The following LPP variants were observed in gnomAD, a reference collection of about 807,000 sequenced individuals.
LPP encodes LIM domain containing preferred translocation partner in lipoma, also known as lipoma-preferred partner.
LPP carries 38 observed loss-of-function variants against 60.4 expected under a neutral mutation model. The ratio of observed to expected loss-of-function variants is 0.63; its 90% CI spans 0.49 to 0.83. The LOEUF (loss-of-function observed/expected upper bound fraction) is 0.83, where lower values mean the gene tolerates loss of function less well. Among genes scored for constraint, LPP ranks in the 40% least tolerant of loss-of-function variants. The pLI, the probability that LPP is intolerant of heterozygous loss-of-function variation, is 0.00. For missense variants in LPP, 902 were observed against 783.6 expected (o/e 1.15, Z -1.80); for synonymous variants, 328 against 290.8 (o/e 1.13, Z -1.30).
chr3:188,507,094 G>A (rs1296021705), intron 5 of LPP, among the ~76,000 whole-genome samples: 1 of 152,132 alleles, frequency 6.6e-6, no homozygotes, highest in Non-Finnish European at 1.5e-5. Context: ...ACCACGCCCG[G>A]CCCATAACCT....
intron 7 of LPP, among the ~76,000 whole-genome samples, chr3:188,690,591 A>G (rs1356691019): frequency 2.0e-5 from 3 of 152,208 alleles, no homozygotes; most frequent in Non-Finnish European, 4.4e-5. Context: ...ATTTTAAAGG[A>G]TGATAAATAG....
At chr3:188,687,875 T>C (rs9880183) in intron 7 of LPP, among the ~76,000 whole-genome samples, 54,885 of 150,906 alleles carry the variant, frequency 0.36, 10,827 homozygotes, top group Middle Eastern at 0.54. Context: ...CCCGGGTTCA[T>C]GCCATTCTCC....
At chr3:188,320,372 A>G (rs997606959) in intron 2 of LPP, among the ~76,000 whole-genome samples, 5 of 152,194 alleles carry the variant, frequency 3.3e-5, no homozygotes, top group African/African-American at 4.8e-5. Flanking sequence ...GCGATTTGCT[A>G]CAGCCTGCCC....
At chr3:188,826,486 A>C (rs544041459) in intron 9 of LPP, among the ~76,000 whole-genome samples, 1 of 152,330 alleles carries the variant, frequency 6.6e-6, no homozygotes, top group Non-Finnish European at 1.5e-5. Flanking sequence ...TGCAATGCAG[A>C]ATAACTATCA....
At chr3:188,660,742 T>C (rs773010015) in intron 7 of LPP, among the ~76,000 whole-genome samples, 1 of 152,064 alleles carries the variant, frequency 6.6e-6, no homozygotes, top group Non-Finnish European at 1.5e-5. Context: ...AGTTCCCATA[T>C]ACCCCCATCC....
chr3:188,605,879 C>T (rs968701283), intron 6 of LPP, among the ~76,000 whole-genome samples: 2 of 152,072 alleles, frequency 1.3e-5, no homozygotes, highest in African/African-American at 2.4e-5. Flanking sequence ...TCCAATGGTT[C>T]TCAACTAGAG....
intron 7 of LPP, among the ~76,000 whole-genome samples, chr3:188,640,981 A>G (rs1481802336): frequency 2.0e-5 from 3 of 152,236 alleles, no homozygotes; most frequent in Non-Finnish European, 2.9e-5. Flanking sequence ...GTGCACACTC[A>G]CTCTCATTCT....
chr3:188,888,293 G>A lies in LPP; in HGVS notation c.*13814G>A, dbSNP rs1770905636. ...TTTCTAAGTAGCAAATCTGTGCCATGAAGTAGATGTGGCGTGAAGATACAG... is the reference window on the plus strand; with the variant it reads ...TTTCTAAGTAGCAAATCTGTGCCATAAAGTAGATGTGGCGTGAAGATACAG... On this transcript the variant is annotated 3_prime_UTR_variant, in exon 12 of 12. Transcript: ENST00000617246. 1 of 226,690 alleles carries A rather than the reference G, an allele frequency of 4.4e-6. No homozygotes were observed. Among genetic ancestry groups the A allele is most frequent in the Non-Finnish European group, 8.8e-6 (1 of 113,826 alleles). 14.0% of individuals were successfully genotyped at this position (226,690 alleles called of 1,614,324 possible).
intron 9 of LPP, among the ~76,000 whole-genome samples, chr3:188,857,441 G>A (rs972589644): frequency 6.6e-6 from 1 of 152,172 alleles, no homozygotes; most frequent in Non-Finnish European, 1.5e-5. Context: ...TGTGTGTCAT[G>A]TAATGCGGAA....
At chr3:188,509,366 T>TA (rs919116769) in intron 5 of LPP, among the ~76,000 whole-genome samples, 106 of 152,338 alleles carry the variant, frequency 7.0e-4, no homozygotes, top group African/African-American at 2.5e-3. Flanking sequence ...ACACTAAAAC[T>TA]AAGAGTATAC....
intron 5 of LPP, among the ~76,000 whole-genome samples, chr3:188,495,080 A>T (rs867890385): frequency 6.9e-5 from 7 of 100,812 alleles, no homozygotes; most frequent in African/African-American, 4.2e-4. Flanking sequence ...ATATATATAT[A>T]TATTTTATTT....
At position 188,362,734 on chromosome 3, in the gene LPP, G is replaced by A. The variant is rs74365201; in HGVS notation, c.-10+21015G>A. On this transcript the variant is annotated intron_variant, in intron 3 of 11. Transcript: ENST00000617246. Reference sequence around the variant, plus strand: ...CCCATTGTGGCCGAGTAGAGATAAGGTCACTGCGGAAGAAAATAAATCGCT... The same window carrying A: ...CCCATTGTGGCCGAGTAGAGATAAGATCACTGCGGAAGAAAATAAATCGCT... Among the ~76,000 whole-genome samples the A allele has an allele frequency of 1.9e-3, 285 of 152,296 alleles. 2 individuals carry two copies. Among genetic ancestry groups the A allele is most frequent in the African/African-American group, 6.5e-3 (272 of 41,556 alleles).
At chr3:188,551,280 T>A (rs1480761713) in intron 6 of LPP, among the ~76,000 whole-genome samples, 1 of 152,084 alleles carries the variant, frequency 6.6e-6, no homozygotes, top group Admixed American at 6.6e-5. Context: ...AACCATCAGA[T>A]CTCATAAGAC....
chr3:188,883,160 T>C lies in LPP; in HGVS notation c.*8681T>C, dbSNP rs559595068. On this transcript the variant is annotated 3_prime_UTR_variant, in exon 12 of 12. Coordinates refer to ENST00000617246, the MANE Select transcript of LPP (RefSeq NM_001375462.1). Reference sequence around the variant, plus strand: ...GCCACACAAAACCTGTAGTACATGATACAGTGTTGCTTCCCCCCTCCTTTT... The same window carrying C: ...GCCACACAAAACCTGTAGTACATGACACAGTGTTGCTTCCCCCCTCCTTTT... The C allele has an allele frequency of 1.8e-4, 39 of 219,878 alleles. No individual in the cohort carries two copies. Among genetic ancestry groups the C allele is most frequent in the African/African-American group, 8.3e-4 (37 of 44,702 alleles). The allele number at this position is 219,878 out of a possible 1,614,324, so 13.6% of individuals were successfully genotyped here. A position where few individuals can be genotyped will look rare whatever the true frequency, so the allele number is the denominator to read the frequency against.
At chr3:188,465,809 C>T (rs1007872702) in intron 4 of LPP, among the ~76,000 whole-genome samples, 1 of 152,050 alleles carries the variant, frequency 6.6e-6, no homozygotes, top group Non-Finnish European at 1.5e-5. Flanking sequence ...AATTTTCCGT[C>T]TTGGTAATTT....
At chr3:188,255,011 G>C (rs1433299855) in intron 2 of LPP, among the ~76,000 whole-genome samples, 1 of 152,162 alleles carries the variant, frequency 6.6e-6, no homozygotes, top group African/African-American at 2.4e-5. Context: ...TGTTTGAGTA[G>C]CTTACTTAAG....
intron 4 of LPP, among the ~76,000 whole-genome samples, chr3:188,436,357 C>T (rs1477077872): frequency 2.0e-5 from 3 of 152,140 alleles, no homozygotes; most frequent in Admixed American, 1.3e-4. Context: ...CTAAAAGAAA[C>T]GGAGCCACTA....
At chr3:188,717,446 G>A (rs1714479018) in intron 8 of LPP, among the ~76,000 whole-genome samples, 1 of 152,126 alleles carries the variant, frequency 6.6e-6, no homozygotes, top group Non-Finnish European at 1.5e-5. Context: ...ACTCCAGGTA[G>A]GCAGCTACCT....
At chr3:188,493,386 T>G (rs933935958) in intron 5 of LPP, among the ~76,000 whole-genome samples, 7 of 152,186 alleles carry the variant, frequency 4.6e-5, no homozygotes, top group African/African-American at 1.7e-4. Context: ...TACTAAACTG[T>G]GTCTAGACAC....
Sources: gnomAD v4.1 joint callset for allele counts (sites outside exome capture counted in the v4.1 genomes callset) on GRCh38, gnomAD v4.1.1 for gene constraint, MANE v1.5 for transcripts, NCBI Gene and HGNC (gene_info 2026-07-23, HGNC 2026-07-21) for gene names.